The following ATP8B4 variants were observed in gnomAD, a reference collection of about 807,000 sequenced individuals.
ATP8B4 encodes the protein ATPase phospholipid transporting 8B4 (putative), also known as probable phospholipid-transporting ATPase IM.
ATP8B4 carries 133 observed loss-of-function variants against 145.6 expected under a neutral mutation model. That is an observed-to-expected ratio of 0.91 (90% confidence interval 0.79 to 1.05). The LOEUF (loss-of-function observed/expected upper bound fraction) is 1.05. Ranked by LOEUF, ATP8B4 falls within the 50% of genes least tolerant of loss-of-function variation. The pLI is 0.00. For missense variants in ATP8B4, 1,458 were observed against 1,425.2 expected (o/e 1.02, Z -0.37); for synonymous variants, 507 against 492.9 (o/e 1.03, Z -0.38).
intron 6 of ATP8B4, among the ~76,000 whole-genome samples, chr15:50,029,673 T>C (rs577136097): frequency 1.3e-5 from 2 of 152,178 alleles, no homozygotes; most frequent in Non-Finnish European, 2.9e-5. Flanking sequence ...TATAAAATAA[T>C]CTCGATTATT....
intron 16 of ATP8B4, among the ~76,000 whole-genome samples, chr15:49,926,429 C>A (rs1383372321): frequency 6.6e-6 from 1 of 152,102 alleles, no homozygotes; most frequent in Non-Finnish European, 1.5e-5. Flanking sequence ...TCACTTTAAC[C>A]TAACTGGTTT....
At chr15:49,917,317 C>T (rs2039843929) in intron 19 of ATP8B4, 2 of 358,148 alleles carry the variant, frequency 5.6e-6, no homozygotes, top group Admixed American at 4.5e-5. Context: ...CTTTTCATTC[C>T]CAAATTAGCA....
intron 14 of ATP8B4, among the ~76,000 whole-genome samples, chr15:49,947,288 G>A (rs1376102067): frequency 4.6e-5 from 7 of 151,812 alleles, no homozygotes; most frequent in African/African-American, 9.7e-5. Flanking sequence ...AACATTAGCC[G>A]GGCGTGGTGA....
At chr15:49,981,436 G>A (rs2046147020) in intron 10 of ATP8B4, 142 bp from the exon 11 acceptor site, 2 of 620,286 alleles carry the variant, frequency 3.2e-6, no homozygotes, top group Admixed American at 3.1e-5. Context: ...GGGCCATTAA[G>A]TTGTACATGA....
chr15:49,892,645 T>C (rs1296702360), intron 23 of ATP8B4, among the ~76,000 whole-genome samples: 1 of 152,214 alleles, frequency 6.6e-6, no homozygotes, highest in East Asian at 1.9e-4. Flanking sequence ...GTGAGCTCCA[T>C]ATGGCACCTG....
intron 14 of ATP8B4, among the ~76,000 whole-genome samples, chr15:49,952,870 TG>T (rs1026896832): frequency 6.6e-6 from 1 of 151,530 alleles, no homozygotes; most frequent in African/African-American, 2.4e-5. Flanking sequence ...TGCTGACCCT[TG>T]GATGGGGTTT....
chr15:50,041,781 A>T lies in ATP8B4; in HGVS notation c.300+2813T>A, dbSNP rs186833816. Among the ~76,000 whole-genome samples the T allele has an allele frequency of 9.9e-5, 15 of 152,282 alleles. No individual in the cohort carries two copies. The East Asian group carries it at 2.9e-3, about 29-fold the overall frequency. On this transcript the variant is annotated intron_variant, in intron 5 of 27. Coordinates refer to ENST00000284509, the MANE Select transcript of ATP8B4 (RefSeq NM_024837.4). The stretch of plus-strand genomic sequence containing the variant: ...TGGTGAAACCCCATCTCTACTAAAA[A>T]TACAAAAAATTAGCCAGGTGTAGTG...
At chr15:49,886,225 C>T (rs4775845) in intron 23 of ATP8B4, among the ~76,000 whole-genome samples, 61,257 of 151,924 alleles carry the variant, frequency 0.4, 13,278 homozygotes, top group South Asian at 0.5. Context: ...GTAAGGGAGT[C>T]GGCAGACAGA....
chr15:50,134,173 T>C (rs1182470606), intron 1 of ATP8B4, among the ~76,000 whole-genome samples: 1 of 151,670 alleles, frequency 6.6e-6, no homozygotes, highest in Non-Finnish European at 1.5e-5. Context: ...AATGATAGAC[T>C]GTCAGTGAGA....
chr15:49,976,160 A>G (rs989383131), intron 12 of ATP8B4, among the ~76,000 whole-genome samples: 3 of 152,090 alleles, frequency 2.0e-5, no homozygotes, highest in Non-Finnish European at 4.4e-5. Context: ...GTGACTATGT[A>G]GAGTATGATA....
intron 25 of ATP8B4, among the ~76,000 whole-genome samples, chr15:49,867,773 A>G (rs1651334178): frequency 6.6e-6 from 1 of 152,240 alleles, no homozygotes; most frequent in Non-Finnish European, 1.5e-5. Flanking sequence ...AAGACCCCGT[A>G]AGAAGATGCA....
chr15:50,061,325 G>A (rs753793138), intron 3 of ATP8B4, among the ~76,000 whole-genome samples: 2 of 152,134 alleles, frequency 1.3e-5, no homozygotes, highest in Non-Finnish European at 2.9e-5. Context: ...GAATGTGGAA[G>A]CAAGAAGGAG....
intron 10 of ATP8B4, among the ~76,000 whole-genome samples, chr15:49,985,540 A>G (rs1465081727): frequency 6.6e-6 from 1 of 152,204 alleles, no homozygotes; most frequent in Non-Finnish European, 1.5e-5. Flanking sequence ...CAGCATTCTA[A>G]TTAAGCTTTC....
intron 25 of ATP8B4, among the ~76,000 whole-genome samples, chr15:49,874,013 G>T (rs1248810091): frequency 6.6e-6 from 1 of 152,172 alleles, no homozygotes. Context: ...CTCTTGTTAT[G>T]ACAGGATCAG....
At chr15:49,933,660 T>C (rs148394066) in intron 15 of ATP8B4, among the ~76,000 whole-genome samples, 191 of 152,220 alleles carry the variant, frequency 1.3e-3, no homozygotes, top group African/African-American at 4.4e-3. Flanking sequence ...CTCAACTGTA[T>C]TTCAGTATTT....
chr15:50,112,170 T>C (rs2056978479), intron 1 of ATP8B4, among the ~76,000 whole-genome samples: 1 of 151,424 alleles, frequency 6.6e-6, no homozygotes, highest in African/African-American at 2.4e-5. Context: ...GCAAAGGAAT[T>C]AGAGGAGATT....
At chr15:49,909,739 A>G (rs959698564) in intron 20 of ATP8B4, among the ~76,000 whole-genome samples, 3 of 151,588 alleles carry the variant, frequency 2.0e-5, no homozygotes, top group African/African-American at 4.8e-5. Flanking sequence ...AAAAAAAAAA[A>G]AAAAAAAGAA....
intron 2 of ATP8B4, among the ~76,000 whole-genome samples, chr15:50,095,652 G>A (rs2055929856): frequency 6.6e-6 from 1 of 152,062 alleles, no homozygotes; most frequent in Non-Finnish European, 1.5e-5. Flanking sequence ...CTACTTGGGA[G>A]GCTGAAGTGG....
chr15:49,866,399 G>A lies in ATP8B4; in HGVS notation c.3113C>T (p.Thr1038Ile). The change falls in exon 26 of 28, where the codon ACA becomes ATA. Residue 1038 changes from threonine (T) to isoleucine (I), a missense_variant. Physicochemically the swap from Thr to Ile is moderately conservative, Grantham distance 89. Transcript: ENST00000284509. ...SIAIYFSILF[T>I]MHSNGIFGIF... ...GCCAAAGATGCCATTACTGTGCATT[G>A]TAAATAAAATGGAGAAATAAATGGC... is the stretch of plus-strand genomic sequence containing the variant. 6.2e-7 allele frequency: 1 copy of A among 1,613,950 alleles called. No individual in the cohort carries two copies. The highest frequency in any genetic ancestry group is 8.5e-7 in the Non-Finnish European group (1 of 1,179,840).
Sources: allele counts gnomAD v4.1 joint callset (sites outside exome capture counted in the v4.1 genomes callset), GRCh38; gene constraint gnomAD v4.1.1; transcripts MANE v1.5; gene names NCBI Gene and HGNC (gene_info 2026-07-23, HGNC 2026-07-21).